Variants in ZNF106 observed in about 807,000 individuals in gnomAD.
The protein encoded by ZNF106 is zinc finger protein 106.
Under a neutral mutation model 195.1 loss-of-function variants are expected in ZNF106, and 67 were observed. The observed-to-expected ratio is 0.34, with a 90% confidence interval of 0.28 to 0.42. The LOEUF (loss-of-function observed/expected upper bound fraction) is 0.42, where lower values mean the gene tolerates loss of function less well. ZNF106 is among the 10% of genes least tolerant of loss of function. The pLI is 1.00. For missense variants in ZNF106, 2,118 were observed against 2,304.5 expected (o/e 0.92, Z 1.66); for synonymous variants, 784 against 818.6 (o/e 0.96, Z 0.72).
intron 18 of ZNF106, 144 bp downstream of exon 18, chr15:42,422,357 C>T: frequency 8.9e-7 from 1 of 1,119,662 alleles, no homozygotes; most frequent in Non-Finnish European, 1.2e-6. Flanking sequence ...GTCCACAGGC[C>T]AGCTGTTTCA....
intron 3 of ZNF106, among the ~76,000 whole-genome samples, chr15:42,458,066 C>A (rs181267286): frequency 1.3e-5 from 2 of 152,264 alleles, no homozygotes; most frequent in African/African-American, 4.8e-5. Context: ...ACTATGCAGT[C>A]ATTTATGAGA....
At chr15:42,462,407 G>A (rs188603498) in intron 3 of ZNF106, among the ~76,000 whole-genome samples, 84 of 152,282 alleles carry the variant, frequency 5.5e-4, no homozygotes, top group African/African-American at 2.0e-3. Context: ...AGACCAGCCT[G>A]GTCAACATGG....
rs779330745 is a variant in ZNF106 at position 42,438,717 on chromosome 15, G to C, written c.4545-50C>G. On this transcript the variant is annotated intron_variant, in intron 11 of 21. Transcript: ENST00000564754. ...CTCAGCATCTGTGTGAACAGGGCAG[G>C]TAGTAAAAGTAAAAATTTCTGACTC... 18 of 1,550,150 alleles carry C rather than the reference G, an allele frequency of 1.2e-5. No individual in the cohort carries two copies. The South Asian group carries it at 2.0e-4, about 17-fold the overall frequency.
intron 1 of ZNF106, among the ~76,000 whole-genome samples, chr15:42,485,620 T>C (rs919967607): frequency 9.2e-5 from 14 of 152,150 alleles, no homozygotes; most frequent in African/African-American, 1.2e-4. Context: ...AATGGCGTCC[T>C]GTCCAGGGTT....
chr15:42,452,074 C>G, intron 4 of ZNF106, 120 bp from the exon 5 acceptor site: 2 of 1,105,006 alleles, frequency 1.8e-6, no homozygotes, highest in Non-Finnish European at 2.6e-6. Flanking sequence ...GTAACCGAGT[C>G]TGGTTTTATA....
At chr15:42,488,333 T>C (rs1009271034) in intron 1 of ZNF106, among the ~76,000 whole-genome samples, 1 of 152,202 alleles carries the variant, frequency 6.6e-6, no homozygotes, top group African/African-American at 2.4e-5. Flanking sequence ...TTAGCACATA[T>C]AGAGCTGGCT....
At chr15:42,429,769 T>C (rs997600606) in intron 14 of ZNF106, among the ~76,000 whole-genome samples, 1 of 152,042 alleles carries the variant, frequency 6.6e-6, no homozygotes, top group Non-Finnish European at 1.5e-5. Context: ...TTTGTAACTT[T>C]ATAGGGGAAA....
intron 3 of ZNF106, among the ~76,000 whole-genome samples, chr15:42,458,422 A>T (rs1314318282): frequency 6.6e-6 from 1 of 152,044 alleles, no homozygotes; most frequent in African/African-American, 2.4e-5. Flanking sequence ...AAAAAAAAAA[A>T]AAAGGCCGGG....
At chr15:42,476,006 G>C (rs1488104922) in intron 1 of ZNF106, among the ~76,000 whole-genome samples, 6 of 151,760 alleles carry the variant, frequency 4.0e-5, no homozygotes. Context: ...CTAGCAAATG[G>C]ATAAAAAAAA....
chr15:42,453,204 G>A (rs988850935), intron 4 of ZNF106, among the ~76,000 whole-genome samples: 9 of 152,178 alleles, frequency 5.9e-5, no homozygotes, highest in Non-Finnish European at 1.2e-4. Flanking sequence ...GTTCCAGTTT[G>A]TGAAGGCCTT....
chr15:42,480,349 T>C (rs987604945), intron 1 of ZNF106, among the ~76,000 whole-genome samples: 2 of 152,230 alleles, frequency 1.3e-5, no homozygotes, highest in African/African-American at 4.8e-5. Context: ...GTCTATTTTA[T>C]CTGATATAAA....
rs2055232372 is a variant in ZNF106, at chr15:42,435,327, A to G, written c.4881+57T>C. 4.4e-6 allele frequency: 7 copies of G among 1,609,020 alleles called. No homozygotes were observed. The South Asian group carries it at 7.7e-5, about 18-fold the overall frequency. ...CTGCCACAGTGTCTCCACTCCACAC[A>G]GTAAATACAAAGGCGACTCAATATG... On this transcript the variant is annotated intron_variant, in intron 14 of 21. Transcript: ENST00000564754.
chr15:42,431,474 A>C (rs574756923), intron 14 of ZNF106, among the ~76,000 whole-genome samples: 1 of 150,300 alleles, frequency 6.7e-6, no homozygotes, highest in South Asian at 2.1e-4. Flanking sequence ...GCTCACTGCA[A>C]CCTCCACCTC....
chr15:42,468,517 G>A (rs903673126), intron 2 of ZNF106, among the ~76,000 whole-genome samples: 7 of 151,474 alleles, frequency 4.6e-5, no homozygotes, highest in African/African-American at 7.3e-5. Context: ...GGCTGAGGTG[G>A]GCGGATCAAA....
Position 42,449,753 on chromosome 15 carries a change from C to T in ZNF106, c.2501+18G>A, listed in dbSNP as rs1469586795. Reference sequence around the variant, plus strand: ...AAAGAAAGTGAGGAAAAAAAAGACACCGAAAAGCAGCACACACCTGGGTAA... The same window carrying T: ...AAAGAAAGTGAGGAAAAAAAAGACATCGAAAAGCAGCACACACCTGGGTAA... On this transcript the variant is annotated intron_variant, in intron 5 of 21. Transcript: ENST00000564754. 6.3e-7 allele frequency: 1 copy of T among 1,583,792 alleles called. No individual in the cohort carries two copies. The highest frequency in any genetic ancestry group is 1.4e-5 in the African/African-American group (1 of 73,590).
chr15:42,425,958 C>G (rs2054841522), intron 15 of ZNF106, among the ~76,000 whole-genome samples: 1 of 152,208 alleles, frequency 6.6e-6, no homozygotes, highest in Non-Finnish European at 1.5e-5. Context: ...CCTTCATCCC[C>G]CAGCCAACCC....
chr15:42,427,330 T>A (rs1460185247), intron 15 of ZNF106, among the ~76,000 whole-genome samples: 1 of 152,198 alleles, frequency 6.6e-6, no homozygotes, highest in Non-Finnish European at 1.5e-5. Flanking sequence ...TAAGATGAAG[T>A]CCAACTACCT....
intron 19 of ZNF106, 85 bp from the exon 20 acceptor site, chr15:42,421,217 C>A (rs2054645144): frequency 1.6e-6 from 2 of 1,237,472 alleles, no homozygotes; most frequent in South Asian, 2.4e-5. Flanking sequence ...AAGCTCCTTG[C>A]AGCAGCTACA....
chr15:42,417,489 C>T, intron 21 of ZNF106, 129 bp from the exon 22 acceptor site: 2 of 1,076,736 alleles, frequency 1.9e-6, no homozygotes, highest in Non-Finnish European at 2.7e-6. Flanking sequence ...TAGGAGCCAG[C>T]ACTTTGCTAA....
Sources: allele counts gnomAD v4.1 joint callset (sites outside exome capture counted in the v4.1 genomes callset), GRCh38; gene constraint gnomAD v4.1.1; transcripts MANE v1.5; gene names NCBI Gene and HGNC (gene_info 2026-07-23, HGNC 2026-07-21).